WDR4: variants seen among roughly 807,000 people sequenced by gnomAD.
WDR4 encodes WDR4 tRNA N7-guanosine methyltransferase non-catalytic subunit.
In WDR4, 47 loss-of-function variants were observed where a neutral mutation model predicts 48.6. The observed-to-expected ratio is 0.97, with a 90% CI of 0.77 to 1.23. WDR4 has a LOEUF of 1.23. WDR4 is among the 50% of genes most tolerant of loss of function. WDR4 has a pLI of 0.00. For missense variants in WDR4, 606 were observed against 551.6 expected, an observed-to-expected ratio of 1.10 and a Z score of -0.99; for synonymous variants, 268 against 230.0, an observed-to-expected ratio of 1.17 and a Z score of -1.49.
At position 42,863,343 on chromosome 21, in the gene WDR4, G is replaced by C. The variant is rs564365385; in HGVS notation, c.453+97C>G. ...TGGACAGGTGCCTGAGCCTTGACAG[G>C]GTAGACATTGACTCAGCGTATGCCC... On this transcript the variant is annotated intron_variant, in intron 4 of 10. Transcript: ENST00000398208. 281 of 1,438,174 alleles carry C rather than the reference G, an allele frequency of 2.0e-4. 1 individual carries two copies. The highest frequency in any genetic ancestry group is 3.3e-4 in the Admixed American group (16 of 49,120). The allele number at this position is 1,438,174 out of a possible 1,614,324, so 89.1% of individuals were successfully genotyped here.
intron 1 of WDR4, among the ~76,000 whole-genome samples, chr21:42,877,411 T>C (rs554091154): frequency 1.7e-4 from 25 of 149,990 alleles, no homozygotes; most frequent in African/African-American, 5.7e-4. Context: ...CCCAAAGTGC[T>C]GAGATTATAG....
At chr21:42,873,493 C>T in intron 3 of WDR4, 58 bp downstream of exon 3, 1 of 1,600,532 alleles carries the variant, frequency 6.2e-7, no homozygotes, top group Non-Finnish European at 8.5e-7. Context: ...TTGCTACAGG[C>T]ATGCAAGGAT....
chr21:42,848,600 G>A (rs1308019657), downstream of WDR4, among the ~76,000 whole-genome samples: 4 of 64,128 alleles, frequency 6.2e-5, no homozygotes, highest in African/African-American at 2.8e-4. Flanking sequence ...ATCACGCAGC[G>A]TGCACCTCAC....
downstream of WDR4, among the ~76,000 whole-genome samples, chr21:42,845,548 G>C (rs2057703769): frequency 6.6e-6 from 1 of 152,140 alleles, no homozygotes; most frequent in African/African-American, 2.4e-5. Flanking sequence ...GTAAGTCAAG[G>C]TTTTGGTAAG....
chr21:42,863,391 C>T, intron 4 of WDR4, 49 bp downstream of exon 4: 2 of 1,580,444 alleles, frequency 1.3e-6, no homozygotes, highest in Non-Finnish European at 1.7e-6. Context: ...CCCCCATGTA[C>T]CGTGTCCCAC....
At position 42,879,484 on chromosome 21, in the gene WDR4, A is replaced by AGAGCCCGCCAT; in HGVS notation, c.1_11dup (p.Val5TrpfsTer27). 1.9e-6 allele frequency: 3 copies of AGAGCCCGCCAT among 1,613,444 alleles called. No homozygotes were observed. The highest frequency in any genetic ancestry group is 2.5e-6 in the Non-Finnish European group (3 of 1,179,848). On this transcript the variant is annotated frameshift_variant, in exon 1 of 11. Coordinates refer to ENST00000398208, the MANE Select transcript of WDR4 (RefSeq NM_018669.6). LOFTEE classifies it high-confidence loss of function. The stretch of plus-strand genomic sequence containing the variant: ...TCTGCCCGCACAACGCCAGTCCCAC[A>AGAGCCCGCCAT]GAGCCCGCCATGTACCCGCCCGCCT...
At chr21:42,879,373 T>A in intron 1 of WDR4, 34 bp downstream of exon 1, 1 of 1,604,888 alleles carries the variant, frequency 6.2e-7, no homozygotes, top group Non-Finnish European at 8.5e-7. Context: ...GCCCGCAGCC[T>A]GGTCTCCCTG....
downstream of WDR4, among the ~76,000 whole-genome samples, chr21:42,845,615 T>C (rs1402306763): frequency 3.9e-5 from 6 of 152,180 alleles, no homozygotes; most frequent in African/African-American, 9.7e-5. Flanking sequence ...GCAGTGTCAC[T>C]GGCTCCCTGC....
chr21:42,891,477 G>A, the WDR4 span, among the ~76,000 whole-genome samples: 1 of 152,040 alleles, frequency 6.6e-6, no homozygotes, highest in Non-Finnish European at 1.5e-5. Flanking sequence ...AACATCTGCC[G>A]CATGTGCCCG....
chr21:42,879,391 A>C lies in WDR4; in HGVS notation c.89+16T>G. 1 of 1,612,808 alleles carries C rather than the reference A, an allele frequency of 6.2e-7. No homozygotes were observed. The highest frequency in any genetic ancestry group is 8.5e-7 in the Non-Finnish European group (1 of 1,179,362). ...CGCAGCCTGGTCTCCCTGTTCCAAGACCAAGGCCCCCTCACCTGCTTGCTA... is the reference window on the plus strand; with the variant it reads ...CGCAGCCTGGTCTCCCTGTTCCAAGCCCAAGGCCCCCTCACCTGCTTGCTA... On this transcript the variant is annotated intron_variant, in intron 1 of 10. Transcript: ENST00000398208.
intron 10 of WDR4, among the ~76,000 whole-genome samples, 180 bp downstream of exon 10, chr21:42,852,075 T>C (rs770774328): frequency 5.9e-5 from 9 of 152,162 alleles, no homozygotes; most frequent in Non-Finnish European, 1.0e-4. Flanking sequence ...GGGGGCTCCT[T>C]CTTCTGCTGT....
At position 42,849,532 on chromosome 21, in the gene WDR4, G is replaced by GCA. The variant is rs2057762838; in HGVS notation, c.*515_*516dup. On this transcript the variant is annotated 3_prime_UTR_variant, in exon 11 of 11. Transcript: ENST00000398208. ...GCCACTCTCCAGGAGCAGCTCCTGA[G>GCA]CACAAGGGCTACGGCTGGGGCTGGG... The GCA allele has an allele frequency of 6.5e-6, 1 of 152,976 alleles. No homozygotes were observed. Among genetic ancestry groups the GCA allele is most frequent in the African/African-American group, 2.4e-5 (1 of 41,462 alleles). The allele number at this position is 152,976 out of a possible 1,614,324, so 9.5% of individuals were successfully genotyped here.
At chr21:42,848,631 G>A (rs141915278), downstream of WDR4, among the ~76,000 whole-genome samples, 4 of 68,866 alleles carry the variant, frequency 5.8e-5, no homozygotes, top group East Asian at 4.1e-4. Flanking sequence ...CGATCACACC[G>A]CGCACCTCAC....
intron 7 of WDR4, 48 bp downstream of exon 7, chr21:42,855,634 C>T (rs113921521): frequency 1.1e-5 from 15 of 1,390,090 alleles, no homozygotes; most frequent in Non-Finnish European, 1.5e-5. Flanking sequence ...AGGCGACTGC[C>T]GGTGTCTACA....
intron 3 of WDR4, among the ~76,000 whole-genome samples, chr21:42,867,607 A>G (rs1046597545): frequency 1.3e-5 from 2 of 152,210 alleles, no homozygotes; most frequent in African/African-American, 4.8e-5. Flanking sequence ...AATCCGAAAC[A>G]TTCCAGTGAG....
At chr21:42,873,902 C>T (rs2058430796) in intron 2 of WDR4, among the ~76,000 whole-genome samples, 2 of 152,114 alleles carry the variant, frequency 1.3e-5, no homozygotes, top group African/African-American at 4.8e-5. Context: ...AGAAAATCTC[C>T]CAGCATACAT....
At chr21:42,857,197 G>A (rs1040263668) in intron 6 of WDR4, among the ~76,000 whole-genome samples, 2 of 152,096 alleles carry the variant, frequency 1.3e-5, no homozygotes, top group Non-Finnish European at 2.9e-5. Context: ...GGAGCCGAGG[G>A]GCCCCTGTCT....
chr21:42,867,454 C>T (rs2058274517), intron 3 of WDR4, among the ~76,000 whole-genome samples: 1 of 151,556 alleles, frequency 6.6e-6, no homozygotes, highest in African/African-American at 2.4e-5. Context: ...GAGCCAAACA[C>T]TGCTCTTTGC....
rs748436234 is a variant in WDR4, at chr21:42,850,029, G to T, written c.*20C>A. ...AAGCTTTTCCTAATTTGAGGTGAGAGACACCACTGACCGCCACGATCAGCA... is the reference window on the plus strand; with the variant it reads ...AAGCTTTTCCTAATTTGAGGTGAGATACACCACTGACCGCCACGATCAGCA... On this transcript the variant is annotated 3_prime_UTR_variant, in exon 11 of 11. Transcript: ENST00000398208. 2 of 1,610,118 alleles carry T rather than the reference G, an allele frequency of 1.2e-6. No homozygotes were observed. The highest frequency in any genetic ancestry group is 1.3e-5 in the African/African-American group (1 of 74,582).
Sources: gnomAD v4.1 joint callset for allele counts (sites outside exome capture counted in the v4.1 genomes callset) on GRCh38, gnomAD v4.1.1 for gene constraint, MANE v1.5 for transcripts, NCBI Gene and HGNC (gene_info 2026-07-23, HGNC 2026-07-21) for gene names.